Variants in ZNF790 observed in about 807,000 individuals in gnomAD.
ZNF790 encodes zinc finger protein 790.
Under a neutral mutation model 12.1 loss-of-function variants are expected in ZNF790, and 8 were observed. That is an observed-to-expected ratio of 0.66 (90% confidence interval 0.39 to 1.19). ZNF790 has a LOEUF of 1.19. Among genes scored for constraint, ZNF790 ranks in the 50% most tolerant of loss-of-function variants. The probability of loss-of-function intolerance (pLI) is 0.01; values close to 1 mark genes in which losing one functional copy is unlikely to be tolerated. For synonymous variants in ZNF790, 252 were observed against 244.3 expected (o/e 1.03, Z -0.29); for missense variants, 707 against 752.2 (o/e 0.94, Z 0.70).
chr19:36,818,182 AAAAG>A lies in ZNF790; in HGVS notation c.*247_*250del. 3.6e-6 allele frequency: 1 copy of A among 278,354 alleles called. No homozygotes were observed. Among genetic ancestry groups the A allele is most frequent in the Non-Finnish European group, 6.7e-6 (1 of 148,446 alleles). The allele number at this position is 278,354 out of a possible 1,614,324, so 17.2% of individuals were successfully genotyped here. A position where few individuals can be genotyped will look rare whatever the true frequency, so the allele number is the denominator to read the frequency against. ...ATGAGAATGTTTTGAGAATGATTCAAAAAGAATTCATGCTATCTCATAAAATTTT... is the reference window on the plus strand; with the variant it reads ...ATGAGAATGTTTTGAGAATGATTCAAAATTCATGCTATCTCATAAAATTTT... On this transcript the variant is annotated 3_prime_UTR_variant, in exon 5 of 5. Transcript: ENST00000356725.
chr19:36,827,274 C>T (rs200421814), intron 1 of ZNF790, among the ~76,000 whole-genome samples: 1 of 151,260 alleles, frequency 6.6e-6, no homozygotes, highest in Non-Finnish European at 1.5e-5. Context: ...GGAGGATTCA[C>T]CACCAGACCG....
At chr19:36,829,431 A>C (rs2071900755) in intron 1 of ZNF790, among the ~76,000 whole-genome samples, 1 of 152,156 alleles carries the variant, frequency 6.6e-6, no homozygotes, top group Non-Finnish European at 1.5e-5. Flanking sequence ...TAAGGTTCTC[A>C]AGGTTTATCC....
intron 1 of ZNF790, among the ~76,000 whole-genome samples, chr19:36,835,879 A>G (rs1394666362): frequency 1.3e-5 from 2 of 151,856 alleles, no homozygotes; most frequent in Non-Finnish European, 2.9e-5. Flanking sequence ...CAGCCAGGAA[A>G]GGTTCACTGA....
chr19:36,830,758 C>T (rs2071930418), intron 1 of ZNF790, among the ~76,000 whole-genome samples: 1 of 152,208 alleles, frequency 6.6e-6, no homozygotes, highest in Admixed American at 6.5e-5. Flanking sequence ...ACTTTTTTCA[C>T]ATGAAAATAC....
intron 1 of ZNF790, among the ~76,000 whole-genome samples, chr19:36,844,331 A>C (rs904890482): frequency 2.0e-5 from 3 of 147,864 alleles, no homozygotes; most frequent in African/African-American, 7.9e-5. Context: ...CAAAACAAAA[A>C]ACAAAAAAAA....
chr19:36,823,456 A>C (rs1161195181), intron 3 of ZNF790, 76 bp from the exon 4 acceptor site: 8 of 1,420,102 alleles, frequency 5.6e-6, no homozygotes, highest in Non-Finnish European at 7.8e-6. Context: ...TTTGGTTACT[A>C]AGGAAGAGAA....
chr19:36,837,900 G>T (rs1001007569), intron 1 of ZNF790: 1 of 152,304 alleles, frequency 6.6e-6, no homozygotes, highest in African/African-American at 2.4e-5. Flanking sequence ...CACAAAAACT[G>T]CTCCCCACAC....
At chr19:36,829,552 T>A (rs546152465) in intron 1 of ZNF790, among the ~76,000 whole-genome samples, 11 of 152,220 alleles carry the variant, frequency 7.2e-5, no homozygotes, top group Non-Finnish European at 1.6e-4. Flanking sequence ...ACATTTGGGT[T>A]GTTTCCACCT....
intron 1 of ZNF790, among the ~76,000 whole-genome samples, chr19:36,829,927 T>C (rs1319845457): frequency 6.6e-6 from 1 of 152,224 alleles, no homozygotes; most frequent in African/African-American, 2.4e-5. Flanking sequence ...TTGAATATCA[T>C]CTATTTTGTA....
At chr19:36,846,816 C>T (rs2072185017) in intron 1 of ZNF790, among the ~76,000 whole-genome samples, 1 of 152,186 alleles carries the variant, frequency 6.6e-6, no homozygotes. Flanking sequence ...TCTTGATGCT[C>T]TGGCATTTGG....
At chr19:36,820,246 G>A in intron 4 of ZNF790, 132 bp from the exon 5 acceptor site, 2 of 942,320 alleles carry the variant, frequency 2.1e-6, no homozygotes, top group South Asian at 2.1e-5. Flanking sequence ...TCAAATATGA[G>A]CAATATGAAA....
At chr19:36,822,791 C>G (rs1037097850) in intron 4 of ZNF790, among the ~76,000 whole-genome samples, 2 of 151,886 alleles carry the variant, frequency 1.3e-5, no homozygotes, top group African/African-American at 4.8e-5. Flanking sequence ...CTGCCTGCCT[C>G]GGCCTCCCAA....
chr19:36,843,176 C>T (rs1025360475), upstream of ZNF790, among the ~76,000 whole-genome samples: 2 of 152,124 alleles, frequency 1.3e-5, no homozygotes, highest in Admixed American at 6.5e-5. Flanking sequence ...CTTTAGTTTT[C>T]TGGGCCTAAA....
intron 1 of ZNF790, among the ~76,000 whole-genome samples, chr19:36,847,496 T>A (rs1374126459): frequency 6.6e-6 from 1 of 151,452 alleles, no homozygotes; most frequent in Non-Finnish European, 1.5e-5. Flanking sequence ...ACGCCTGTAA[T>A]CCCAGCACTT....
At chr19:36,836,733 G>C (rs1454907638) in intron 1 of ZNF790, among the ~76,000 whole-genome samples, 1 of 152,140 alleles carries the variant, frequency 6.6e-6, no homozygotes, top group African/African-American at 2.4e-5. Flanking sequence ...ACTCCAGCCT[G>C]GTGACAGAAC....
chr19:36,823,284 C>G lies in ZNF790; in HGVS notation c.229+1G>C. On this transcript the variant is annotated splice_donor_variant, in intron 4 of 4. Coordinates refer to ENST00000356725, the MANE Select transcript of ZNF790 (RefSeq NM_206894.4). LOFTEE classifies it high-confidence loss of function. ...CTTGTGCGTGTTCAGCCCTCACTCA[C>G]CTGGGCAAGGTCCTCTTGTCTCATC... The G allele has an allele frequency of 2.5e-6, 4 of 1,613,738 alleles. No individual in the cohort carries two copies. Among genetic ancestry groups the G allele is most frequent in the Middle Eastern group, 3.3e-4 (2 of 6,062 alleles).
intron 1 of ZNF790, among the ~76,000 whole-genome samples, chr19:36,828,982 C>T (rs1202544740): frequency 6.6e-6 from 1 of 152,130 alleles, no homozygotes; most frequent in Non-Finnish European, 1.5e-5. Context: ...TATCCATTCC[C>T]ATGGGGAGTA....
chr19:36,836,127 G>C (rs923145530), intron 1 of ZNF790, among the ~76,000 whole-genome samples: 1 of 151,990 alleles, frequency 6.6e-6, no homozygotes, highest in Admixed American at 6.6e-5. Context: ...AATGTATACA[G>C]TGGTCCATTT....
In ZNF790 at chr19:36,819,004, C is replaced by T. The variant is rs761740560; in HGVS notation, c.1340G>A (p.Arg447Lys). Residue 447 changes from arginine to lysine, a missense_variant, in exon 5 of 5, where the codon AGG becomes AAG. Coordinates refer to ENST00000356725, the MANE Select transcript of ZNF790 (RefSeq NM_206894.4). ...LAQHEKIHNE[R>K]KSYECKECGK... Reference sequence around the variant, plus strand: ...ACATTCCTTACATTCATAGGATTTCCTCTCATTGTGAATTTTCTCATGTTG... The same window carrying T: ...ACATTCCTTACATTCATAGGATTTCTTCTCATTGTGAATTTTCTCATGTTG... 4.6e-5 allele frequency: 74 copies of T among 1,613,208 alleles called. No homozygotes were observed. Among genetic ancestry groups the T allele is most frequent in the Non-Finnish European group, 5.9e-5 (70 of 1,179,724 alleles).
Sources: gnomAD v4.1 joint callset for allele counts (sites outside exome capture counted in the v4.1 genomes callset) on GRCh38, gnomAD v4.1.1 for gene constraint, MANE v1.5 for transcripts, NCBI Gene and HGNC (gene_info 2026-07-23, HGNC 2026-07-21) for gene names.